LIMCH1: variants seen among roughly 807,000 people sequenced by gnomAD.
LIMCH1 encodes the protein LIM and calponin homology domains-containing protein 1.
LIMCH1 carries 113 observed loss-of-function variants against 176.5 expected under a neutral mutation model. The ratio of observed to expected loss-of-function variants is 0.64; its 90% CI spans 0.55 to 0.75. LIMCH1 has a LOEUF of 0.75. LIMCH1 is among the 30% of genes least tolerant of loss of function. LIMCH1 has a pLI of 0.00. For missense variants in LIMCH1, 1,674 were observed against 1,814.9 expected, an observed-to-expected ratio of 0.92 and a Z score of 1.41; for synonymous variants, 619 against 645.9, an observed-to-expected ratio of 0.96 and a Z score of 0.63.
chr4:41,569,400 A>T (rs1182984485), intron 1 of LIMCH1, among the ~76,000 whole-genome samples: 2 of 152,190 alleles, frequency 1.3e-5, no homozygotes, highest in African/African-American at 4.8e-5. Flanking sequence ...TTTTGCCCGA[A>T]GTTGGAGGAA....
chr4:41,665,524 CATT>C (rs1192245813), intron 20 of LIMCH1, among the ~76,000 whole-genome samples: 3 of 152,138 alleles, frequency 2.0e-5, no homozygotes, highest in African/African-American at 7.2e-5. Flanking sequence ...TAAATTCTAA[CATT>C]AATTTATTCT....
chr4:41,430,266 A>T (rs941828344), intron 1 of LIMCH1, among the ~76,000 whole-genome samples: 1 of 152,060 alleles, frequency 6.6e-6, no homozygotes, highest in African/African-American at 2.4e-5. Flanking sequence ...TATTATATTT[A>T]TCTATTTATT....
chr4:41,503,195 T>C (rs2073677971), intron 2 of LIMCH1, among the ~76,000 whole-genome samples: 1 of 152,226 alleles, frequency 6.6e-6, no homozygotes, highest in African/African-American at 2.4e-5. Context: ...TTTGGAGTAA[T>C]TCCAGTAGAA....
intron 1 of LIMCH1, among the ~76,000 whole-genome samples, chr4:41,432,044 C>T (rs957560919): frequency 1.3e-5 from 2 of 152,138 alleles, no homozygotes; most frequent in African/African-American, 4.8e-5. Context: ...GAAATTTAGG[C>T]TAGGATGTTA....
In LIMCH1 at chr4:41,681,054, A is replaced by G; in HGVS notation, c.3712A>G (p.Thr1238Ala). The G allele has an allele frequency of 2.5e-6, 4 of 1,596,226 alleles. No homozygotes were observed. Among genetic ancestry groups the G allele is most frequent in the Non-Finnish European group, 3.4e-6 (4 of 1,164,772 alleles). ...TTCCTCCATGACTGAAGGCAGTGGG[A>G]CAATGGTGAGACCACAGATTAAAAG... ...TSSSMTEGSGTMNKIDLGNCQ... is the reference protein window; with the variant it reads ...TSSSMTEGSGAMNKIDLGNCQ... The change falls in exon 25 of 32, where the codon ACA becomes GCA. Residue 1238 changes from threonine to alanine, a missense_variant. By Grantham distance (58) the Thr-to-Ala change is moderately conservative. Coordinates refer to ENST00000503057, the MANE Select transcript of LIMCH1 (RefSeq NM_001330672.2).
chr4:41,390,564 A>G (rs2057117582), intron 1 of LIMCH1, among the ~76,000 whole-genome samples: 1 of 152,218 alleles, frequency 6.6e-6, no homozygotes, highest in Non-Finnish European at 1.5e-5. Context: ...TTAGATTTGA[A>G]TTTCAAAAGA....
intron 5 of LIMCH1, among the ~76,000 whole-genome samples, chr4:41,614,873 A>G (rs1296205066): frequency 6.6e-6 from 1 of 152,248 alleles, no homozygotes. Context: ...TGAATGCAGA[A>G]TCTATGCTCT....
At position 41,428,498 on chromosome 4, in the gene LIMCH1, G is replaced by A. The variant is rs1012895288; in HGVS notation, c.97-66038G>A. 2.6e-5 allele frequency among the ~76,000 whole-genome samples: 4 copies of A among 152,256 alleles called. No homozygotes were observed. The East Asian group carries it at 7.7e-4, about 29-fold the overall frequency. On this transcript the variant is annotated intron_variant, in intron 1 of 26. Transcript: ENST00000313860. ...AATTTCAAATGAGAAGAGCTGATAGGGAGTGGCAGAGAAAGCAAGTAAATT... is the reference window on the plus strand; with the variant it reads ...AATTTCAAATGAGAAGAGCTGATAGAGAGTGGCAGAGAAAGCAAGTAAATT...
At chr4:41,412,653 A>G (rs2059595156) in intron 1 of LIMCH1, among the ~76,000 whole-genome samples, 1 of 152,230 alleles carries the variant, frequency 6.6e-6, no homozygotes. Context: ...ATCATGTGTT[A>G]GAATCATGCT....
intron 2 of LIMCH1, among the ~76,000 whole-genome samples, chr4:41,501,015 T>C (rs1378787291): frequency 6.6e-6 from 1 of 152,144 alleles, no homozygotes. Context: ...TGATGGAAAC[T>C]GAGGATCATC....
At chr4:41,633,476 A>G in intron 12 of LIMCH1, 72 bp from the exon 13 acceptor site, 1 of 1,494,722 alleles carries the variant, frequency 6.7e-7, no homozygotes, top group South Asian at 1.3e-5. Flanking sequence ...AATTAACGCC[A>G]GTGAGTGACA....
At chr4:41,662,739 C>T (rs2094670020) in intron 19 of LIMCH1, 82 bp from the exon 20 acceptor site, 13 of 1,428,422 alleles carry the variant, frequency 9.1e-6, no homozygotes, top group Non-Finnish European at 1.3e-5. Flanking sequence ...GAATGTACTT[C>T]ATGGCATTGC....
chr4:41,466,614 G>T lies in LIMCH1; in HGVS notation c.97-27922G>T, dbSNP rs76306357. 6.4e-4 allele frequency among the ~76,000 whole-genome samples: 98 copies of T among 152,262 alleles called. 2 individuals carry two copies. In the East Asian group the frequency reaches 0.016, roughly 25 times the overall value. ...CCTCATGCTTCACTTTATCTCAAAAGTCCCTAGTCTGCCCTAAAGCTATCT... is the reference window on the plus strand; with the variant it reads ...CCTCATGCTTCACTTTATCTCAAAATTCCCTAGTCTGCCCTAAAGCTATCT... On this transcript the variant is annotated intron_variant, in intron 1 of 26. Coordinates refer to the LIMCH1 transcript ENST00000313860.
chr4:41,460,458 C>CTTTATATTTTTATA (rs372751468), intron 1 of LIMCH1, among the ~76,000 whole-genome samples: 3 of 110,546 alleles, frequency 2.7e-5, no homozygotes, highest in African/African-American at 1.2e-4. Context: ...TAGTAATCAT[C>CTTTATATTTTTATA]TATATATATA....
intron 1 of LIMCH1, among the ~76,000 whole-genome samples, chr4:41,466,107 C>T (rs939447630): frequency 2.6e-5 from 4 of 152,120 alleles, no homozygotes; most frequent in Admixed American, 2.0e-4. Context: ...TACAGGCGCA[C>T]ACCACCATGC....
intron 1 of LIMCH1, among the ~76,000 whole-genome samples, chr4:41,570,570 G>A (rs1165380230): frequency 6.6e-6 from 1 of 152,190 alleles, no homozygotes; most frequent in Non-Finnish European, 1.5e-5. Flanking sequence ...TCCTGGTTTG[G>A]ACCTGTGCAC....
intron 2 of LIMCH1, among the ~76,000 whole-genome samples, chr4:41,516,666 T>A (rs1175893771): frequency 6.6e-6 from 1 of 152,264 alleles, no homozygotes; most frequent in Admixed American, 6.5e-5. Context: ...AATTGCTGTC[T>A]GTTCCTTCCC....
intron 2 of LIMCH1, among the ~76,000 whole-genome samples, chr4:41,497,100 G>A (rs2072301077): frequency 1.3e-5 from 2 of 152,192 alleles, no homozygotes; most frequent in African/African-American, 4.8e-5. Flanking sequence ...ATGCTTTCCA[G>A]TTTTGTGTTA....
Position 41,680,976 on chromosome 4 carries a change from A to G in LIMCH1, c.3634A>G (p.Thr1212Ala), listed in dbSNP as rs1345256971. The change falls in exon 25 of 32, where the codon ACT becomes GCT. Residue 1212 changes from threonine (T) to alanine (A), a missense_variant. Physicochemically the swap from Thr to Ala is moderately conservative, Grantham distance 58 (BLOSUM62 0). Coordinates refer to ENST00000503057, the MANE Select transcript of LIMCH1 (RefSeq NM_001330672.2). ...TTAGGAGCGTAAGATAATTGAAGAC[A>G]CTGTGGTTCCATTTACTGTTTCTTC... The part of the protein sequence containing the change: ...YEEERKIIED[T>A]VVPFTVSSSS... The G allele has an allele frequency of 3.7e-6, 6 of 1,606,450 alleles. No individual in the cohort carries two copies. The highest frequency in any genetic ancestry group is 5.1e-6 in the Non-Finnish European group (6 of 1,173,398).
Sources: gnomAD v4.1 joint callset for allele counts (sites outside exome capture counted in the v4.1 genomes callset) on GRCh38, gnomAD v4.1.1 for gene constraint, MANE v1.5 for transcripts, NCBI Gene and HGNC (gene_info 2026-07-23, HGNC 2026-07-21) for gene names.